KCTD16: variants seen among roughly 807,000 people sequenced by gnomAD.
KCTD16 encodes BTB/POZ domain-containing protein KCTD16.
Under a neutral mutation model 33.2 loss-of-function variants are expected in KCTD16, and 13 were observed. The observed-to-expected ratio is 0.39, with a 90% CI of 0.25 to 0.62. KCTD16 has a LOEUF of 0.62. KCTD16 is among the 20% of genes least tolerant of loss of function. KCTD16 has a pLI of 0.50. For synonymous variants in KCTD16, 197 were observed against 195.3 expected, an observed-to-expected ratio of 1.01 and a Z score of -0.07; for missense variants, 441 against 525.1, an observed-to-expected ratio of 0.84 and a Z score of 1.57.
intron 3 of KCTD16, among the ~76,000 whole-genome samples, chr5:144,260,914 G>A (rs726299): frequency 0.34 from 51,922 of 151,702 alleles, 9,688 homozygotes; most frequent in African/African-American, 0.49. Flanking sequence ...CATTTTTTAT[G>A]TAAATGGATA....
chr5:144,387,545 T>TAAAG (rs1374510093), intron 3 of KCTD16, among the ~76,000 whole-genome samples: 1 of 152,090 alleles, frequency 6.6e-6, no homozygotes, highest in African/African-American at 2.4e-5. Flanking sequence ...ACTTAAAGCA[T>TAAAG]AAAGAAAGAA....
Position 144,461,273 on chromosome 5 carries a change from C to A in KCTD16, c.833-12387C>A, listed in dbSNP as rs535237550. On this transcript the variant is annotated intron_variant, in intron 3 of 3. Coordinates refer to ENST00000512467, the MANE Select transcript of KCTD16 (RefSeq NM_020768.4). ...AAGACTGATGGACTTGGATGTTCTACAGGCCCACAACAATTCCAGAATTGG... is the reference window on the plus strand; with the variant it reads ...AAGACTGATGGACTTGGATGTTCTAAAGGCCCACAACAATTCCAGAATTGG... Among the ~76,000 whole-genome samples, 15 of 152,256 alleles carry A rather than the reference C, an allele frequency of 9.9e-5. 1 individual carries two copies. In the East Asian group the frequency reaches 2.5e-3, roughly 26 times the overall value.
chr5:144,451,689 A>G, intron 3 of KCTD16, among the ~76,000 whole-genome samples: 1 of 152,184 alleles, frequency 6.6e-6, no homozygotes, highest in East Asian at 1.9e-4. Context: ...AGATTTCATA[A>G]TTAAGTCTTT....
chr5:144,382,685 C>T (rs1752243013), intron 3 of KCTD16, among the ~76,000 whole-genome samples: 1 of 152,138 alleles, frequency 6.6e-6, no homozygotes, highest in African/African-American at 2.4e-5. Context: ...TGCTCAATAG[C>T]CAAGTAGTGA....
At chr5:144,427,090 A>G (rs1753348787) in intron 3 of KCTD16, among the ~76,000 whole-genome samples, 1 of 152,096 alleles carries the variant, frequency 6.6e-6, no homozygotes, top group Non-Finnish European at 1.5e-5. Flanking sequence ...CTGTTGCACA[A>G]TGGGAGAATG....
chr5:144,218,005 G>T (rs147771569), intron 3 of KCTD16, among the ~76,000 whole-genome samples: 39 of 152,286 alleles, frequency 2.6e-4, no homozygotes, highest in African/African-American at 9.1e-4. Flanking sequence ...TAAATAACAG[G>T]CACCCTGACC....
intron 3 of KCTD16, among the ~76,000 whole-genome samples, chr5:144,268,181 C>G (rs1755197450): frequency 6.6e-6 from 1 of 152,090 alleles, no homozygotes; most frequent in Admixed American, 6.6e-5. Context: ...GTTACTGGAG[C>G]AGCTTGCACA....
intron 3 of KCTD16, among the ~76,000 whole-genome samples, chr5:144,440,771 T>C (rs1461066250): frequency 6.6e-6 from 1 of 152,180 alleles, no homozygotes; most frequent in Non-Finnish European, 1.5e-5. Context: ...CTTTAAGTTC[T>C]AGGGTACATG....
chr5:144,351,275 A>G (rs1751421184), intron 3 of KCTD16, among the ~76,000 whole-genome samples: 1 of 152,162 alleles, frequency 6.6e-6, no homozygotes, highest in Non-Finnish European at 1.5e-5. Context: ...TGTAGGTAAT[A>G]AGGAGCCAGC....
At chr5:144,470,494 C>T (rs1273335571) in intron 3 of KCTD16, among the ~76,000 whole-genome samples, 1 of 152,110 alleles carries the variant, frequency 6.6e-6, no homozygotes, top group African/African-American at 2.4e-5. Flanking sequence ...CTGGATGGGG[C>T]CCTTCTGATC....
intron 3 of KCTD16, among the ~76,000 whole-genome samples, chr5:144,392,621 G>T (rs1752475257): frequency 6.6e-6 from 1 of 152,196 alleles, no homozygotes; most frequent in African/African-American, 2.4e-5. Context: ...TGTTTACCAT[G>T]TATCTCTAGC....
chr5:144,416,269 G>GA (rs1753051589), intron 3 of KCTD16, among the ~76,000 whole-genome samples: 1 of 152,174 alleles, frequency 6.6e-6, no homozygotes, highest in Non-Finnish European at 1.5e-5. Context: ...GTTTACAAGA[G>GA]AAAAATAGGT....
chr5:144,415,238 CAT>C (rs1753021005), intron 3 of KCTD16, among the ~76,000 whole-genome samples: 2 of 152,142 alleles, frequency 1.3e-5, no homozygotes, highest in South Asian at 2.1e-4. Flanking sequence ...TTAATCCACA[CAT>C]GAGGATAGTG....
chr5:144,274,052 A>G (rs1372540272), intron 3 of KCTD16, among the ~76,000 whole-genome samples: 2 of 150,798 alleles, frequency 1.3e-5, no homozygotes, highest in African/African-American at 2.4e-5. Flanking sequence ...TAAAAAATAG[A>G]AAAAAAATCC....
Position 144,475,081 on chromosome 5 carries a change from C to T in KCTD16, c.*967C>T, listed in dbSNP as rs1389151149. ...TTTCTCCATGTTTTCAGAGTTCTTA[C>T]TGCCCACAGTTTAATGGTGTGGCCT... On this transcript the variant is annotated 3_prime_UTR_variant, in exon 4 of 4. Coordinates refer to ENST00000512467, the MANE Select transcript of KCTD16 (RefSeq NM_020768.4). 1 of 152,194 alleles carries T rather than the reference C, an allele frequency of 6.6e-6. No homozygotes were observed. The highest frequency in any genetic ancestry group is 1.5e-5 in the Non-Finnish European group (1 of 68,034). The allele number at this position is 152,194 out of a possible 1,614,324, so 9.4% of individuals were successfully genotyped here. A position where few individuals can be genotyped will look rare whatever the true frequency, so the allele number is the denominator to read the frequency against.
At chr5:144,326,498 G>C (rs748462793) in intron 3 of KCTD16, among the ~76,000 whole-genome samples, 1 of 152,042 alleles carries the variant, frequency 6.6e-6, no homozygotes, top group African/African-American at 2.4e-5. Context: ...CACTCAATCT[G>C]TGCAATTCAA....
intron 3 of KCTD16, among the ~76,000 whole-genome samples, chr5:144,368,996 C>G (rs1366253250): frequency 6.6e-6 from 1 of 152,140 alleles, no homozygotes; most frequent in African/African-American, 2.4e-5. Context: ...CAAATTTTGG[C>G]CAACTGAAAA....
intron 3 of KCTD16, among the ~76,000 whole-genome samples, chr5:144,268,006 G>A (rs1755193143): frequency 6.6e-6 from 1 of 152,166 alleles, no homozygotes; most frequent in South Asian, 2.1e-4. Context: ...GGTAGAATGT[G>A]TTTGATGTAA....
chr5:144,482,632 G>T lies in KCTD16; in HGVS notation c.*8518G>T, dbSNP rs563874895. ...TCTCATTGTTACTGTTATAAGTTGG[G>T]AAAAAGAGAGGCAGCTTTAGAAAAG... is the stretch of plus-strand genomic sequence containing the variant. On this transcript the variant is annotated 3_prime_UTR_variant, in exon 4 of 4. Coordinates refer to ENST00000512467, the MANE Select transcript of KCTD16 (RefSeq NM_020768.4). 1 of 151,800 alleles carries T rather than the reference G, an allele frequency of 6.6e-6. No homozygotes were observed. Among genetic ancestry groups the T allele is most frequent in the South Asian group, 2.1e-4 (1 of 4,818 alleles). The allele number at this position is 151,800 out of a possible 1,614,324, so 9.4% of individuals were successfully genotyped here. A position where few individuals can be genotyped will look rare whatever the true frequency, so the allele number is the denominator to read the frequency against.
Sources: allele counts gnomAD v4.1 joint callset (sites outside exome capture counted in the v4.1 genomes callset), GRCh38; gene constraint gnomAD v4.1.1; transcripts MANE v1.5; gene names NCBI Gene and HGNC (gene_info 2026-07-23, HGNC 2026-07-21).